MINDY4B: variants seen among roughly 807,000 people sequenced by gnomAD.
MINDY4B encodes inactive ubiquitin carboxyl-terminal hydrolase MINDY-4B.
In MINDY4B, 25 loss-of-function variants were observed where a neutral mutation model predicts 16.7. The observed-to-expected ratio is 1.49, with a 90% CI of 1.09 to 2.09. The LOEUF is 2.09. Among genes scored for constraint, MINDY4B ranks in the 30% most tolerant of loss-of-function variants. MINDY4B has a pLI of 0.00. For missense variants in MINDY4B, 327 were observed against 168.4 expected (o/e 1.94, Z -5.21); for synonymous variants, 132 against 61.9 (o/e 2.13, Z -5.32).
At chr3:150,881,406 T>A (rs1711520404) in intron 10 of MINDY4B, among the ~76,000 whole-genome samples, 1 of 152,050 alleles carries the variant, frequency 6.6e-6, no homozygotes, top group Non-Finnish European at 1.5e-5. Context: ...TAGAGGGTTA[T>A]ATACTCATAT....
At chr3:150,899,283 C>T (rs1184674486) in intron 3 of MINDY4B, among the ~76,000 whole-genome samples, 1 of 152,212 alleles carries the variant, frequency 6.6e-6, no homozygotes, top group Non-Finnish European at 1.5e-5. Context: ...AGCCTTTCAA[C>T]TTGTACCAGC....
At chr3:150,887,960 T>A (rs991515355) in intron 7 of MINDY4B, among the ~76,000 whole-genome samples, 1 of 151,960 alleles carries the variant, frequency 6.6e-6, no homozygotes, top group Non-Finnish European at 1.5e-5. Flanking sequence ...TACAAAAAAT[T>A]AGCCAGGCGT....
In MINDY4B at chr3:150,870,497, A is replaced by G. The variant is rs1005867318; in HGVS notation, c.*548T>C. 2.0e-5 allele frequency among the ~76,000 whole-genome samples: 3 copies of G among 152,156 alleles called. No individual in the cohort carries two copies. The highest frequency in any genetic ancestry group is 7.2e-5 in the African/African-American group (3 of 41,430). On this transcript the variant is annotated 3_prime_UTR_variant, in exon 12 of 12. Coordinates refer to ENST00000465419, the MANE Select transcript of MINDY4B (RefSeq NM_001351281.2). ...TATAGCTGTCAGCCTACCAGGAATA[A>G]CCCCTGCTTCAAACCCCAAGAAGCC...
At chr3:150,878,513 G>A (rs926107834) in intron 10 of MINDY4B, among the ~76,000 whole-genome samples, 1 of 152,110 alleles carries the variant, frequency 6.6e-6, no homozygotes, top group African/African-American at 2.4e-5. Flanking sequence ...ACAATTTCAG[G>A]CAATTTTCAC....
At chr3:150,901,457 C>T (rs3821661) in intron 3 of MINDY4B, 49,400 of 151,668 alleles carry the variant, frequency 0.33, 9,421 homozygotes, top group African/African-American at 0.52. Flanking sequence ...CTTCAGGCAT[C>T]TGAGCAAAAA....
chr3:150,880,424 GAGA>G (rs565209666), intron 10 of MINDY4B, among the ~76,000 whole-genome samples: 1 of 152,212 alleles, frequency 6.6e-6, no homozygotes, highest in Non-Finnish European at 1.5e-5. Flanking sequence ...ACTTGTGTAG[GAGA>G]AGAAGTGGAT....
chr3:150,872,475 C>G lies in MINDY4B; in HGVS notation c.1240+712G>C, dbSNP rs76374768. Among the ~76,000 whole-genome samples, 9 of 152,320 alleles carry G rather than the reference C, an allele frequency of 5.9e-5. No homozygotes were observed. In the East Asian group the frequency reaches 1.7e-3, roughly 29 times the overall value. ...CTCCCAGTTTGTCCAGTGTTAATAC[C>G]TCGTCCGGGGGTCAATGTTTAAAGA... On this transcript the variant is annotated intron_variant, in intron 11 of 11. Coordinates refer to ENST00000465419, the MANE Select transcript of MINDY4B (RefSeq NM_001351281.2).
intron 10 of MINDY4B, among the ~76,000 whole-genome samples, chr3:150,877,758 G>A (rs544408497): frequency 1.3e-5 from 2 of 152,152 alleles, no homozygotes; most frequent in South Asian, 4.2e-4. Context: ...GCTGTGATTT[G>A]CTACCATTTA....
intron 11 of MINDY4B, among the ~76,000 whole-genome samples, chr3:150,871,711 G>A (rs1471069777): frequency 6.6e-6 from 1 of 152,150 alleles, no homozygotes; most frequent in Non-Finnish European, 1.5e-5. Flanking sequence ...TTAGCTGTGT[G>A]TGGTGGCGCG....
At chr3:150,881,830 A>G (rs1347081364) in intron 10 of MINDY4B, among the ~76,000 whole-genome samples, 1 of 152,228 alleles carries the variant, frequency 6.6e-6, no homozygotes. Flanking sequence ...AAATATGCCA[A>G]TTCTGCTATA....
chr3:150,900,474 C>T (rs1473790952), intron 3 of MINDY4B, among the ~76,000 whole-genome samples: 1 of 152,144 alleles, frequency 6.6e-6, no homozygotes, highest in Admixed American at 6.5e-5. Context: ...GCTGAAACAT[C>T]GATTAGAATT....
intron 3 of MINDY4B, among the ~76,000 whole-genome samples, chr3:150,898,579 G>A (rs1712034718): frequency 6.6e-6 from 1 of 152,236 alleles, no homozygotes; most frequent in South Asian, 2.1e-4. Flanking sequence ...ATAATTACAT[G>A]TGCTGTTGTG....
rs866062644 is a variant in MINDY4B at position 150,893,699 on chromosome 3, G to A, written c.430-284C>T. Among the ~76,000 whole-genome samples the A allele has an allele frequency of 1.8e-4, 13 of 72,438 alleles. No homozygotes were observed. In the South Asian group the frequency reaches 6.8e-3, roughly 38 times the overall value. The allele number at this position is 72,438 out of a possible 152,430, so 47.5% of individuals were successfully genotyped here. A position where few individuals can be genotyped will look rare whatever the true frequency, so the allele number is the denominator to read the frequency against. On this transcript the variant is annotated intron_variant, in intron 4 of 11. Coordinates refer to ENST00000465419, the MANE Select transcript of MINDY4B (RefSeq NM_001351281.2). ...CTGCTTCATAGTAGTTTTTTTTTGG[G>A]GGGGGGGGTGGGGTGCAGTCTTGCT...
chr3:150,870,437 C>T lies in MINDY4B; in HGVS notation c.*608G>A, dbSNP rs1716940576. ...AACATACTGCTAATAAAAAGAATGT[C>T]TCCTTGTGGCTACTGAAACCCACAT... On this transcript the variant is annotated 3_prime_UTR_variant, in exon 12 of 12. Transcript: ENST00000465419. Among the ~76,000 whole-genome samples, 1 of 152,306 alleles carries T rather than the reference C, an allele frequency of 6.6e-6. No individual in the cohort carries two copies. The highest frequency in any genetic ancestry group is 2.4e-5 in the African/African-American group (1 of 41,566).
At chr3:150,890,696 A>ACCATC in intron 6 of MINDY4B, 1 of 508,428 alleles carries the variant, frequency 2.0e-6, no homozygotes, top group Non-Finnish European at 3.5e-6. Flanking sequence ...AATATCATTT[A>ACCATC]TGATTATTTC....
chr3:150,898,199 A>G (rs1712026065), intron 3 of MINDY4B, among the ~76,000 whole-genome samples: 1 of 152,222 alleles, frequency 6.6e-6, no homozygotes, highest in South Asian at 2.1e-4. Flanking sequence ...CTATGCAGGA[A>G]CATCTTGTGC....
At chr3:150,892,596 A>G (rs904681330) in intron 5 of MINDY4B, among the ~76,000 whole-genome samples, 2 of 152,138 alleles carry the variant, frequency 1.3e-5, no homozygotes, top group Non-Finnish European at 2.9e-5. Flanking sequence ...AATAAACTTG[A>G]GCTGATCTTT....
At chr3:150,899,746 C>T (rs1266407001) in intron 3 of MINDY4B, among the ~76,000 whole-genome samples, 1 of 152,190 alleles carries the variant, frequency 6.6e-6, no homozygotes, top group Non-Finnish European at 1.5e-5. Context: ...ACACAAAGGA[C>T]ACCCCTACTC....
Position 150,874,345 on chromosome 3 carries a change from C to T in MINDY4B, c.1060-978G>A, listed in dbSNP as rs145468190. 1.1e-4 allele frequency among the ~76,000 whole-genome samples: 17 copies of T among 152,218 alleles called. No individual in the cohort carries two copies. In the East Asian group the frequency reaches 3.3e-3, roughly 29 times the overall value. Reference sequence around the variant, plus strand: ...GCTAGTGAATGAGATTTGCAAAAACCAGCACTGGGGGTAAGAGCAGGGAAG... The same window carrying T: ...GCTAGTGAATGAGATTTGCAAAAACTAGCACTGGGGGTAAGAGCAGGGAAG... On this transcript the variant is annotated intron_variant, in intron 10 of 11. Transcript: ENST00000465419.
Sources: allele counts gnomAD v4.1 joint callset (sites outside exome capture counted in the v4.1 genomes callset), GRCh38; gene constraint gnomAD v4.1.1; transcripts MANE v1.5; gene names NCBI Gene and HGNC (gene_info 2026-07-23, HGNC 2026-07-21).